Variants in AGPS observed in about 807,000 individuals in gnomAD.
AGPS encodes the protein alkyldihydroxyacetonephosphate synthase, peroxisomal.
A neutral mutation model predicts 90.7 loss-of-function variants in AGPS; 26 were observed. That is an observed-to-expected ratio of 0.29 (90% CI 0.21 to 0.40). The LOEUF is 0.40. AGPS is among the 10% of genes least tolerant of loss of function. The probability of loss-of-function intolerance (pLI) is 1.00; values close to 1 mark genes in which losing one functional copy is unlikely to be tolerated. For missense variants in AGPS, 540 were observed against 816.1 expected (o/e 0.66, Z 4.12); for synonymous variants, 294 against 285.3 (o/e 1.03, Z -0.31).
chr2:177,527,027 A>G (rs538132100), intron 19 of AGPS, among the ~76,000 whole-genome samples: 2 of 152,348 alleles, frequency 1.3e-5, no homozygotes, highest in South Asian at 4.1e-4. Context: ...TTCCTGCCTC[A>G]GTATCCTTGT....
Position 177,499,432 on chromosome 2 carries a change from C to T in AGPS, c.1363-186C>T, listed in dbSNP as rs555505276. ...TTTTCTATGCTGAATAGCTTTGCTA[C>T]GTTGTAATGACCTAAATAGGTTTAT... On this transcript the variant is annotated intron_variant, in intron 13 of 19. Coordinates refer to ENST00000264167, the MANE Select transcript of AGPS (RefSeq NM_003659.4). Among the ~76,000 whole-genome samples, 5 of 151,940 alleles carry T rather than the reference C, an allele frequency of 3.3e-5. No individual in the cohort carries two copies. The East Asian group carries it at 7.7e-4, about 23-fold the overall frequency.
chr2:177,525,557 T>C (rs1405225321), intron 19 of AGPS, among the ~76,000 whole-genome samples: 1 of 152,126 alleles, frequency 6.6e-6, no homozygotes, highest in African/African-American at 2.4e-5. Flanking sequence ...TAATGGTAAA[T>C]ATGGGGGAGA....
chr2:177,525,507 C>G (rs558556298), intron 19 of AGPS, among the ~76,000 whole-genome samples: 1 of 152,110 alleles, frequency 6.6e-6, no homozygotes, highest in Non-Finnish European at 1.5e-5. Context: ...CAATAGTTTA[C>G]TTTCTCTTTT....
Position 177,420,318 on chromosome 2 carries a change from A to C in AGPS, c.310A>C (p.Ile104Leu), listed in dbSNP as rs575504207. 3 of 1,610,954 alleles carry C rather than the reference A, an allele frequency of 1.9e-6. No individual in the cohort carries two copies. The highest frequency in any genetic ancestry group is 1.7e-5 in the Admixed American group (1 of 59,970). ...NGWGYNDSKFIFNKKGQIELT... is the reference protein window; with the variant it reads ...NGWGYNDSKFLFNKKGQIELT... ...ATGGGGATATAATGATTCTAAATTC[A>C]TCTTCAATAAGAAGGGCCAAATTGA... The change falls in exon 2 of 20, where the codon ATC becomes CTC. Residue 104 changes from isoleucine to leucine, a missense_variant. By Grantham distance (5) the Ile-to-Leu change is conservative (BLOSUM62 2). Around this residue, in one of 2 missense-constraint regions of AGPS, gnomAD observed 405 missense variants for 692.1 expected, o/e 0.59. Coordinates refer to ENST00000264167, the MANE Select transcript of AGPS (RefSeq NM_003659.4).
chr2:177,515,263 C>A (rs984089451), intron 17 of AGPS, among the ~76,000 whole-genome samples: 2 of 152,026 alleles, frequency 1.3e-5, no homozygotes, highest in African/African-American at 4.8e-5. Context: ...ACTGATGCTT[C>A]ATTTTTCTCT....
chr2:177,517,611 T>C (rs193063483), intron 17 of AGPS, among the ~76,000 whole-genome samples: 137 of 152,286 alleles, frequency 9.0e-4, no homozygotes, highest in African/African-American at 3.1e-3. Context: ...TTGATGGAGA[T>C]GGGCCAATTG....
At chr2:177,488,830 C>A (rs1347042531) in intron 11 of AGPS, among the ~76,000 whole-genome samples, 1 of 152,152 alleles carries the variant, frequency 6.6e-6, no homozygotes, top group African/African-American at 2.4e-5. Flanking sequence ...CATTCCTTAG[C>A]CATGGACCAG....
At chr2:177,492,584 CAT>C (rs889540656) in intron 11 of AGPS, among the ~76,000 whole-genome samples, 6 of 152,016 alleles carry the variant, frequency 3.9e-5, no homozygotes, top group Non-Finnish European at 5.9e-5. Flanking sequence ...TAGAAAATAA[CAT>C]AGTTTTAATG....
At chr2:177,397,100 A>T (rs57890299) in intron 1 of AGPS, among the ~76,000 whole-genome samples, 2 of 151,788 alleles carry the variant, frequency 1.3e-5, no homozygotes, top group Non-Finnish European at 1.5e-5. Context: ...CACTGTGCCC[A>T]GCTAAGTTTT....
chr2:177,506,582 A>G (rs919083111), intron 15 of AGPS, among the ~76,000 whole-genome samples: 7 of 152,002 alleles, frequency 4.6e-5, no homozygotes, highest in African/African-American at 1.7e-4. Flanking sequence ...TTCTCATTTT[A>G]GCAAAAATTT....
chr2:177,435,023 A>ATATATATATATATG (rs912295185), intron 3 of AGPS, among the ~76,000 whole-genome samples: 6 of 147,010 alleles, frequency 4.1e-5, no homozygotes, highest in African/African-American at 1.5e-4. Context: ...ATATATATAT[A>ATATATATATATATG]TGTATGAAAC....
At chr2:177,445,812 G>A (rs1686751791) in intron 8 of AGPS, among the ~76,000 whole-genome samples, 186 bp downstream of exon 8, 1 of 152,144 alleles carries the variant, frequency 6.6e-6, no homozygotes. Flanking sequence ...GCTAGATTCT[G>A]AGGACATGAT....
intron 8 of AGPS, among the ~76,000 whole-genome samples, chr2:177,447,827 G>A (rs1285839523): frequency 6.6e-6 from 1 of 152,006 alleles, no homozygotes; most frequent in African/African-American, 2.4e-5. Flanking sequence ...GTGTCCTTCA[G>A]ATTCTACTTC....
intron 8 of AGPS, among the ~76,000 whole-genome samples, chr2:177,448,486 A>C (rs1686840157): frequency 6.6e-6 from 1 of 152,160 alleles, no homozygotes; most frequent in Admixed American, 6.6e-5. Flanking sequence ...TTGCGTATTT[A>C]CAGACATTTC....
At chr2:177,447,555 A>G (rs1686814675) in intron 8 of AGPS, among the ~76,000 whole-genome samples, 2 of 151,686 alleles carry the variant, frequency 1.3e-5, no homozygotes, top group East Asian at 1.9e-4. Flanking sequence ...CCAATTTTGT[A>G]TCTTTATTAT....
At chr2:177,414,194 A>G (rs1197511390) in intron 1 of AGPS, among the ~76,000 whole-genome samples, 1 of 152,012 alleles carries the variant, frequency 6.6e-6, no homozygotes, top group East Asian at 1.9e-4. Flanking sequence ...CTTGAATTCA[A>G]GTTTTAAAAG....
chr2:177,398,342 A>G (rs1293886770), intron 1 of AGPS, among the ~76,000 whole-genome samples: 2 of 152,246 alleles, frequency 1.3e-5, no homozygotes, highest in East Asian at 1.9e-4. Context: ...AAGTCCTAAT[A>G]TGACAGGAAC....
At chr2:177,494,472 A>G (rs12478545) in intron 12 of AGPS, among the ~76,000 whole-genome samples, 130,769 of 152,160 alleles carry the variant, frequency 0.86, 56,400 homozygotes, top group East Asian at 0.95. Context: ...AAAGAGAGCC[A>G]TGCATCTAAT....
chr2:177,422,574 G>A (rs1351528911), intron 2 of AGPS, among the ~76,000 whole-genome samples: 1 of 152,156 alleles, frequency 6.6e-6, no homozygotes, highest in African/African-American at 2.4e-5. Flanking sequence ...TGGCAAATTT[G>A]CATTAGTGGA....
Sources: gnomAD v4.1 joint callset for allele counts (sites outside exome capture counted in the v4.1 genomes callset) on GRCh38, gnomAD v4.1.1 for gene constraint, gnomAD v4.1.1 regional missense constraint, MANE v1.5 for transcripts, NCBI Gene and HGNC (gene_info 2026-07-23, HGNC 2026-07-21) for gene names.